The following ARHGEF10L variants were observed in gnomAD, a reference collection of about 807,000 sequenced individuals.
ARHGEF10L encodes Rho guanine nucleotide exchange factor 10 like.
In ARHGEF10L, 69 loss-of-function variants were observed where a neutral mutation model predicts 141.2. The observed-to-expected ratio is 0.49, with a 90% confidence interval of 0.40 to 0.60. ARHGEF10L has a LOEUF of 0.60. Among genes scored for constraint, ARHGEF10L ranks in the 20% least tolerant of loss-of-function variants. The probability of loss-of-function intolerance (pLI) is 0.00; values close to 1 mark genes in which losing one functional copy is unlikely to be tolerated. For missense variants in ARHGEF10L, 1,482 were observed against 1,734.3 expected (o/e 0.85, Z 2.58); for synonymous variants, 711 against 718.5 (o/e 0.99, Z 0.17).
At chr1:17,663,350 A>G (rs12073899) in intron 25 of ARHGEF10L, among the ~76,000 whole-genome samples, 31,412 of 151,878 alleles carry the variant, frequency 0.21, 3,584 homozygotes, top group African/African-American at 0.3. Context: ...TCAGGAGTTC[A>G]AGACCAGCCT....
chr1:17,592,855 G>A (rs1011704952), intron 4 of ARHGEF10L, among the ~76,000 whole-genome samples: 4 of 152,084 alleles, frequency 2.6e-5, no homozygotes, highest in African/African-American at 9.7e-5. Context: ...GGCAGATACC[G>A]GCTCTCCGCC....
chr1:17,653,872 C>T (rs2062077027), intron 22 of ARHGEF10L, among the ~76,000 whole-genome samples: 2 of 152,226 alleles, frequency 1.3e-5, no homozygotes, highest in Non-Finnish European at 2.9e-5. Flanking sequence ...TTAGGGCCCT[C>T]GCCCATGGCC....
intron 22 of ARHGEF10L, among the ~76,000 whole-genome samples, chr1:17,651,289 T>G (rs914794003): frequency 2.0e-5 from 3 of 152,116 alleles, no homozygotes; most frequent in African/African-American, 7.2e-5. Context: ...TGTGTTGGGG[T>G]GGGACAGGCT....
chr1:17,660,504 A>G (rs2062554897), intron 25 of ARHGEF10L, among the ~76,000 whole-genome samples: 1 of 152,176 alleles, frequency 6.6e-6, no homozygotes, highest in South Asian at 2.1e-4. Context: ...GTGTCCCTTT[A>G]TCACAGTCAT....
intron 1 of ARHGEF10L, among the ~76,000 whole-genome samples, chr1:17,542,867 G>A (rs1232839953): frequency 6.6e-6 from 1 of 152,186 alleles, no homozygotes; most frequent in East Asian, 1.9e-4. Context: ...TGGCCACTCA[G>A]TCCTTGCTTT....
chr1:17,667,501 A>G (rs2063060160), intron 26 of ARHGEF10L, among the ~76,000 whole-genome samples: 1 of 152,226 alleles, frequency 6.6e-6, no homozygotes, highest in Non-Finnish European at 1.5e-5. Context: ...GGGAGGGTGC[A>G]GGCCCTCAGC....
At chr1:17,663,571 CA>C (rs533020326) in intron 25 of ARHGEF10L, among the ~76,000 whole-genome samples, 4 of 141,170 alleles carry the variant, frequency 2.8e-5, no homozygotes, top group African/African-American at 5.2e-5. Flanking sequence ...AAAAAAAAAA[CA>C]AAAAAAAACC....
At chr1:17,637,534 T>A (rs1056840248) in intron 18 of ARHGEF10L, among the ~76,000 whole-genome samples, 5 of 152,244 alleles carry the variant, frequency 3.3e-5, no homozygotes, top group African/African-American at 4.8e-5. Flanking sequence ...AGTCTTGCTC[T>A]GTCACCCAGG....
chr1:17,637,079 A>G (rs537154075), intron 18 of ARHGEF10L, among the ~76,000 whole-genome samples: 105 of 151,352 alleles, frequency 6.9e-4, no homozygotes, highest in African/African-American at 2.5e-3. Flanking sequence ...ACCACCCACC[A>G]TTGTTAACTG....
upstream of ARHGEF10L, among the ~76,000 whole-genome samples, chr1:17,539,420 G>A (rs1243336286): frequency 6.6e-6 from 1 of 152,200 alleles, no homozygotes; most frequent in Non-Finnish European, 1.5e-5. The surrounding 1 kb of genome is among the most constrained non-coding windows in gnomAD (Gnocchi z 6.0). Flanking sequence ...ACCGGGAGGC[G>A]GGAAGTGGGG....
the ARHGEF10L span, among the ~76,000 whole-genome samples, chr1:17,515,291 CTT>C: frequency 1.9e-3 from 249 of 131,924 alleles, no homozygotes; most frequent in Admixed American, 2.4e-3. Flanking sequence ...CTTTTTCTCT[CTT>C]TTTTTTTTTT....
intron 1 of ARHGEF10L, among the ~76,000 whole-genome samples, chr1:17,543,051 C>A (rs1328380133): frequency 1.3e-5 from 2 of 152,174 alleles, no homozygotes; most frequent in Non-Finnish European, 2.9e-5. Context: ...GGGCCCAGCT[C>A]AGCTCCTTCC....
At chr1:17,589,292 G>C (rs1237554794) in intron 4 of ARHGEF10L, among the ~76,000 whole-genome samples, 1 of 152,200 alleles carries the variant, frequency 6.6e-6, no homozygotes, top group Non-Finnish European at 1.5e-5. Flanking sequence ...AGGGTAATTG[G>C]GTAACTGGAG....
Position 17,697,235 on chromosome 1 carries a change from G to A in ARHGEF10L, c.3695G>A (p.Arg1232His), listed in dbSNP as rs748630782. The A allele has an allele frequency of 6.1e-5, 98 of 1,612,338 alleles. No homozygotes were observed. Among genetic ancestry groups the A allele is most frequent in the African/African-American group, 1.2e-4 (9 of 74,940 alleles). The change falls in exon 29 of 29, where the codon CGC (arginine) becomes CAC (histidine). Residue 1232 changes from arginine (R) to histidine (H), a missense_variant. Physicochemically the swap from Arg to His is conservative, Grantham distance 29. Coordinates refer to ENST00000361221, the MANE Select transcript of ARHGEF10L (RefSeq NM_018125.4). This position sits in a 1 kb window ranked among gnomAD's most constrained non-coding sequence, Gnocchi z 4.8. ...CGGCCCTGCGCCCGCGACGCCCACC[G>A]CAAGGAGATTTGCTCTGTGGCCATC... is the stretch of plus-strand genomic sequence containing the variant. ...RSRPCARDAHRKEICSVAIIS... is the reference protein window; with the variant it reads ...RSRPCARDAHHKEICSVAIIS...
intron 1 of ARHGEF10L, among the ~76,000 whole-genome samples, chr1:17,559,442 G>A (rs912438692): frequency 6.6e-5 from 10 of 152,302 alleles, no homozygotes; most frequent in African/African-American, 2.4e-4. Flanking sequence ...AGAGACCTTG[G>A]CAGGCTGATT....
intron 2 of ARHGEF10L, among the ~76,000 whole-genome samples, chr1:17,582,382 C>T (rs1263773902): frequency 2.0e-5 from 3 of 152,204 alleles, no homozygotes; most frequent in Non-Finnish European, 4.4e-5. Context: ...TGTTCCAGCT[C>T]TTTCTAATAT....
chr1:17,671,970 G>A (rs1247441565), intron 26 of ARHGEF10L, among the ~76,000 whole-genome samples: 1 of 152,214 alleles, frequency 6.6e-6, no homozygotes, highest in Non-Finnish European at 1.5e-5. Flanking sequence ...TGGGGGCATT[G>A]CAGAGCAGCT....
intron 2 of ARHGEF10L, among the ~76,000 whole-genome samples, chr1:17,586,030 T>G (rs2078996405): frequency 6.6e-6 from 1 of 152,210 alleles, no homozygotes; most frequent in African/African-American, 2.4e-5. Context: ...TGTGGAGACA[T>G]TTTTGGTTGT....
chr1:17,690,079 C>A (rs558257083), intron 27 of ARHGEF10L, among the ~76,000 whole-genome samples: 18 of 152,338 alleles, frequency 1.2e-4, no homozygotes, highest in Non-Finnish European at 2.5e-4. Context: ...GGTCTGCTAT[C>A]GCAGTGCTGA....
Sources: gnomAD v4.1 joint callset for allele counts (sites outside exome capture counted in the v4.1 genomes callset) on GRCh38, gnomAD v4.1.1 for gene constraint, Gnocchi (gnomAD v3.1) non-coding constraint, MANE v1.5 for transcripts, NCBI Gene and HGNC (gene_info 2026-07-23, HGNC 2026-07-21) for gene names.